ARHGAP20: variants seen among roughly 807,000 people sequenced by gnomAD.
ARHGAP20 encodes the protein rho GTPase-activating protein 20.
In ARHGAP20, 34 loss-of-function variants were observed where a neutral mutation model predicts 73.7. The ratio of observed to expected loss-of-function variants is 0.46; its 90% CI spans 0.35 to 0.61. ARHGAP20 has a LOEUF of 0.61. Ranked by LOEUF, ARHGAP20 falls within the 20% of genes least tolerant of loss-of-function variation. The probability of loss-of-function intolerance (pLI) is 0.00; values close to 1 mark genes in which losing one functional copy is unlikely to be tolerated. For synonymous variants in ARHGAP20, 523 were observed against 518.2 expected, an observed-to-expected ratio of 1.01 and a Z score of -0.13; for missense variants, 1,314 against 1,420.9, an observed-to-expected ratio of 0.92 and a Z score of 1.21.
chr11:110,609,098 T>C (rs763754619), intron 7 of ARHGAP20, 48 bp from the exon 8 acceptor site: 8 of 1,563,090 alleles, frequency 5.1e-6, no homozygotes, highest in Non-Finnish European at 6.1e-6. Flanking sequence ...TCACATTTGA[T>C]ACTTGAATGA....
At chr11:110,644,532 G>A (rs114976342) in intron 2 of ARHGAP20, among the ~76,000 whole-genome samples, 3,085 of 151,956 alleles carry the variant, frequency 0.02, 95 homozygotes, top group African/African-American at 0.064. Flanking sequence ...CTTTGACACA[G>A]GCAATAAAAA....
At chr11:110,689,269 A>G (rs1950196585) in intron 2 of ARHGAP20, among the ~76,000 whole-genome samples, 1 of 151,916 alleles carries the variant, frequency 6.6e-6, no homozygotes, top group Non-Finnish European at 1.5e-5. Flanking sequence ...CCAATCATAT[A>G]GATTTTATGT....
intron 2 of ARHGAP20, among the ~76,000 whole-genome samples, chr11:110,655,500 CTT>C: frequency 6.6e-6 from 1 of 152,240 alleles, no homozygotes; most frequent in Admixed American, 6.5e-5. Context: ...TTTTGTCTGT[CTT>C]GTTTACTGCT....
chr11:110,629,028 A>G (rs955770349), intron 3 of ARHGAP20, among the ~76,000 whole-genome samples: 2 of 152,200 alleles, frequency 1.3e-5, no homozygotes, highest in African/African-American at 4.8e-5. Flanking sequence ...TGTAACTGCT[A>G]AGGGGAAAAA....
intron 1 of ARHGAP20, among the ~76,000 whole-genome samples, chr11:110,699,305 G>A (rs7932791): frequency 0.3 from 45,842 of 151,564 alleles, 7,700 homozygotes; most frequent in African/African-American, 0.47. Flanking sequence ...GAATTTATTG[G>A]GACTTCTTTA....
At chr11:110,638,159 C>T (rs1210494942) in intron 2 of ARHGAP20, among the ~76,000 whole-genome samples, 1 of 151,908 alleles carries the variant, frequency 6.6e-6, no homozygotes, top group Non-Finnish European at 1.5e-5. Context: ...ACCATAAGTA[C>T]AAATTCCATA....
chr11:110,637,617 A>T (rs326957), intron 2 of ARHGAP20, among the ~76,000 whole-genome samples: 77,505 of 151,932 alleles, frequency 0.51, 21,662 homozygotes, highest in African/African-American at 0.76. Flanking sequence ...GCTGGGTACC[A>T]GCCATGTGCC....
chr11:110,634,704 C>A (rs540798808), intron 2 of ARHGAP20, among the ~76,000 whole-genome samples: 10 of 152,122 alleles, frequency 6.6e-5, no homozygotes, highest in Admixed American at 2.0e-4. Context: ...CTTTAAATAT[C>A]ATTTATAATT....
chr11:110,606,935 A>C (rs1304302457), intron 8 of ARHGAP20, among the ~76,000 whole-genome samples, 186 bp from the exon 9 acceptor site: 1 of 152,092 alleles, frequency 6.6e-6, no homozygotes, highest in East Asian at 1.9e-4. Context: ...CTACCAAAGT[A>C]GTTTTAAGGA....
intron 2 of ARHGAP20, among the ~76,000 whole-genome samples, chr11:110,631,754 T>C (rs1948864550): frequency 1.3e-5 from 2 of 152,174 alleles, no homozygotes; most frequent in Non-Finnish European, 2.9e-5. Context: ...CTCTGGACAG[T>C]CTCATACTGT....
chr11:110,666,014 GACACACATATATAC>G (rs933575873), intron 2 of ARHGAP20, among the ~76,000 whole-genome samples: 2 of 151,506 alleles, frequency 1.3e-5, no homozygotes, highest in Non-Finnish European at 2.9e-5. Flanking sequence ...CGTGTCCGTA[GACACACATATATAC>G]ACACACATAT....
intron 2 of ARHGAP20, among the ~76,000 whole-genome samples, chr11:110,638,238 T>C (rs751835656): frequency 1.6e-4 from 24 of 152,178 alleles, no homozygotes; most frequent in Non-Finnish European, 3.2e-4. Context: ...GCTATGTATA[T>C]AAAGTGTATA....
intron 2 of ARHGAP20, among the ~76,000 whole-genome samples, chr11:110,683,015 A>G (rs1024391146): frequency 6.6e-6 from 1 of 152,232 alleles, no homozygotes; most frequent in East Asian, 1.9e-4. Flanking sequence ...TACCTAGCAC[A>G]AAGTCTTGCA....
In ARHGAP20 at chr11:110,651,856, G is replaced by C. The variant is rs990580597; in HGVS notation, c.189-21064C>G. Among the ~76,000 whole-genome samples the C allele has an allele frequency of 7.2e-5, 11 of 152,168 alleles. No individual in the cohort carries two copies. The East Asian group carries it at 1.9e-3, about 27-fold the overall frequency. ...TCTTCTCGACCTATTCCAAACAACT[G>C]AGAAGGAGGGACTCCTCGCTAACTC... On this transcript the variant is annotated intron_variant, in intron 2 of 14. Coordinates refer to ENST00000683387, the MANE Select transcript of ARHGAP20 (RefSeq NM_001384657.1).
intron 2 of ARHGAP20, among the ~76,000 whole-genome samples, chr11:110,634,007 A>G (rs1318865514): frequency 1.3e-5 from 2 of 152,222 alleles, no homozygotes; most frequent in African/African-American, 2.4e-5. Context: ...TGTAAGTTGA[A>G]GAGATGAAGG....
In ARHGAP20 at chr11:110,606,765, TC is replaced by T; in HGVS notation, c.776-17del. On this transcript the variant is annotated splice_polypyrimidine_tract_variant and intron_variant, in intron 8 of 14. Transcript: ENST00000683387. Reference sequence around the variant, plus strand: ...TATTCATGCCCTACACAGAGACAAATCTAAATGTAGACTTCAGGCTGACTGG... The same window carrying T: ...TATTCATGCCCTACACAGAGACAAATTAAATGTAGACTTCAGGCTGACTGG... The T allele has an allele frequency of 6.6e-7, 1 of 1,508,254 alleles. No homozygotes were observed. The highest frequency in any genetic ancestry group is 8.9e-7 in the Non-Finnish European group (1 of 1,128,936). 93.4% of individuals were successfully genotyped at this position (1,508,254 alleles called of 1,614,324 possible).
intron 2 of ARHGAP20, among the ~76,000 whole-genome samples, chr11:110,644,743 T>C (rs1949150567): frequency 6.6e-6 from 1 of 152,166 alleles, no homozygotes; most frequent in Non-Finnish European, 1.5e-5. Context: ...AAGAAATTTA[T>C]GTTTAAGACC....
chr11:110,588,110 C>G (rs141333063), intron 11 of ARHGAP20, among the ~76,000 whole-genome samples: 8 of 152,252 alleles, frequency 5.3e-5, no homozygotes, highest in Non-Finnish European at 1.0e-4. Flanking sequence ...GATAATAACT[C>G]GTAACATCTC....
Position 110,592,151 on chromosome 11 carries a change from T to C in ARHGAP20, c.969A>G (p.Ser323=). ...TTCTCCTTTTAAATGTCTTATGACC[T>C]GAATCTAAGGAAGAAGTGAGCTTAT... ...RLAAAQQLSD[S]GHKTFKRRRS... The change falls in exon 10 of 15, where the codon TCA becomes TCG. Residue 323 remains serine, a synonymous_variant. Coordinates refer to ENST00000683387, the MANE Select transcript of ARHGAP20 (RefSeq NM_001384657.1). 6.2e-7 allele frequency: 1 copy of C among 1,609,722 alleles called. No individual in the cohort carries two copies. Among genetic ancestry groups the C allele is most frequent in the Non-Finnish European group, 8.5e-7 (1 of 1,177,328 alleles).
Sources: gnomAD v4.1 joint callset for allele counts (sites outside exome capture counted in the v4.1 genomes callset) on GRCh38, gnomAD v4.1.1 for gene constraint, MANE v1.5 for transcripts, NCBI Gene and HGNC (gene_info 2026-07-23, HGNC 2026-07-21) for gene names.